Variants in ALPK2 observed in about 807,000 individuals in gnomAD.
The protein encoded by ALPK2 is alpha kinase 2.
Under a neutral mutation model 163.1 loss-of-function variants are expected in ALPK2, and 127 were observed. That is an observed-to-expected ratio of 0.78 (90% CI 0.67 to 0.90). The LOEUF (loss-of-function observed/expected upper bound fraction) is 0.90. Ranked by LOEUF, ALPK2 falls within the 40% of genes least tolerant of loss-of-function variation. The pLI, the probability that ALPK2 is intolerant of heterozygous loss-of-function variation, is 0.00. For synonymous variants in ALPK2, 953 were observed against 959.1 expected, an observed-to-expected ratio of 0.99 and a Z score of 0.12; for missense variants, 2,360 against 2,589.6, an observed-to-expected ratio of 0.91 and a Z score of 1.92.
In ALPK2 at chr18:58,529,246, C is replaced by A. The variant is rs776787196; in HGVS notation, c.5354-8G>T. 10 of 1,608,026 alleles carry A rather than the reference C, an allele frequency of 6.2e-6. No individual in the cohort carries two copies. The African/African-American group carries it at 9.4e-5, about 15-fold the overall frequency. On this transcript the variant is annotated splice_region_variant and splice_polypyrimidine_tract_variant and intron_variant, in intron 5 of 12. Coordinates refer to ENST00000361673, the MANE Select transcript of ALPK2 (RefSeq NM_052947.4). ...TTTTCAGTAATACTGGAGCTAGAAA[C>A]AAGATATTTGAAGGTCAGTGTAACA... is the stretch of plus-strand genomic sequence containing the variant.
chr18:58,585,916 T>C (rs1353168135), intron 3 of ALPK2, among the ~76,000 whole-genome samples: 1 of 152,156 alleles, frequency 6.6e-6, no homozygotes, highest in East Asian at 1.9e-4. Context: ...ACTCCTGACC[T>C]CAGGTGATCT....
Position 58,533,224 on chromosome 18 carries a change from G to A in ALPK2, c.5353+1610C>T, listed in dbSNP as rs939191866. 9.9e-5 allele frequency among the ~76,000 whole-genome samples: 15 copies of A among 152,258 alleles called. No individual in the cohort carries two copies. In the South Asian group the frequency reaches 2.5e-3, roughly 25 times the overall value. On this transcript the variant is annotated intron_variant, in intron 5 of 12. Coordinates refer to ENST00000361673, the MANE Select transcript of ALPK2 (RefSeq NM_052947.4). ...AGCTGAAATCAAAGTCTTTGACGGC[G>A]ATTGATTTCAACACTGCCTATCTGG...
At chr18:58,533,909 T>G (rs918301471) in intron 5 of ALPK2, among the ~76,000 whole-genome samples, 3 of 152,162 alleles carry the variant, frequency 2.0e-5, no homozygotes, top group African/African-American at 7.2e-5. Context: ...CCTCAAAATC[T>G]AAGGACTCAG....
At chr18:58,486,334 A>T (rs546755024) in intron 12 of ALPK2, among the ~76,000 whole-genome samples, 1 of 152,258 alleles carries the variant, frequency 6.6e-6, no homozygotes, top group South Asian at 2.1e-4. Context: ...CCCCAGCTCC[A>T]GTGGGCTCTC....
chr18:58,574,689 G>A (rs77501291), intron 4 of ALPK2, among the ~76,000 whole-genome samples: 3 of 152,066 alleles, frequency 2.0e-5, no homozygotes, highest in Non-Finnish European at 4.4e-5. Context: ...TCCCCGCCCC[G>A]TTCCGGCTGT....
chr18:58,624,962 CG>C (rs2052221910), intron 1 of ALPK2, among the ~76,000 whole-genome samples: 1 of 152,158 alleles, frequency 6.6e-6, no homozygotes, highest in Admixed American at 6.5e-5. Context: ...ATCAAGAAGG[CG>C]GGGGAGGAGA....
intron 2 of ALPK2, among the ~76,000 whole-genome samples, chr18:58,610,238 C>A (rs1473561382): frequency 7.0e-6 from 1 of 142,690 alleles, no homozygotes; most frequent in Non-Finnish European, 1.5e-5. Flanking sequence ...TGTGCCACTG[C>A]ACTCCAGCCT....
intron 4 of ALPK2, among the ~76,000 whole-genome samples, chr18:58,548,769 G>A (rs1358024899): frequency 6.6e-6 from 1 of 152,216 alleles, no homozygotes; most frequent in Non-Finnish European, 1.5e-5. Context: ...AGATCGCTGA[G>A]AGGGACAACA....
chr18:58,553,550 C>A (rs1163769249), intron 4 of ALPK2, among the ~76,000 whole-genome samples: 1 of 152,142 alleles, frequency 6.6e-6, no homozygotes, highest in Non-Finnish European at 1.5e-5. Context: ...TCCCTATAAT[C>A]CCCACGCATC....
chr18:58,555,489 T>C (rs986383187), intron 4 of ALPK2, among the ~76,000 whole-genome samples: 1 of 152,238 alleles, frequency 6.6e-6, no homozygotes, highest in Non-Finnish European at 1.5e-5. Context: ...TGTTCCAAGC[T>C]GTCCGAAGGG....
intron 4 of ALPK2, among the ~76,000 whole-genome samples, chr18:58,573,766 A>C (rs2051904185): frequency 1.3e-5 from 2 of 152,116 alleles, no homozygotes; most frequent in Admixed American, 6.6e-5. Flanking sequence ...CAAGAAAGTC[A>C]GGATTACAAA....
intron 4 of ALPK2, among the ~76,000 whole-genome samples, chr18:58,545,628 G>A (rs1297761817): frequency 2.6e-5 from 4 of 152,222 alleles, no homozygotes; most frequent in African/African-American, 9.6e-5. Flanking sequence ...CAAGCCACTC[G>A]GTCCCTAGCT....
intron 4 of ALPK2, among the ~76,000 whole-genome samples, chr18:58,577,530 A>G (rs973931991): frequency 2.6e-4 from 40 of 152,250 alleles, no homozygotes; most frequent in Non-Finnish European, 1.2e-4. Flanking sequence ...TTTATTTTGT[A>G]TTAACATATG....
intron 12 of ALPK2, among the ~76,000 whole-genome samples, chr18:58,497,372 C>A (rs1340677682): frequency 1.3e-5 from 2 of 152,158 alleles, no homozygotes; most frequent in Non-Finnish European, 2.9e-5. Context: ...TCACCAAGAA[C>A]AACAAATGGC....
At chr18:58,585,528 T>C (rs2051981156) in intron 3 of ALPK2, among the ~76,000 whole-genome samples, 1 of 152,196 alleles carries the variant, frequency 6.6e-6, no homozygotes. Context: ...GACACATCAA[T>C]GTATTGGGAA....
At chr18:58,592,132 C>T (rs572008281) in intron 3 of ALPK2, among the ~76,000 whole-genome samples, 18 of 152,294 alleles carry the variant, frequency 1.2e-4, no homozygotes, top group East Asian at 1.2e-3. Flanking sequence ...ACCTGTGGCC[C>T]CCAATGAGCA....
At chr18:58,527,155 G>A (rs941246276) in intron 6 of ALPK2, among the ~76,000 whole-genome samples, 1 of 151,214 alleles carries the variant, frequency 6.6e-6, no homozygotes, top group Non-Finnish European at 1.5e-5. Context: ...TTTGCTCCAC[G>A]TTCATATTAT....
chr18:58,613,911 C>T (rs548042783), intron 1 of ALPK2, among the ~76,000 whole-genome samples: 1 of 152,198 alleles, frequency 6.6e-6, no homozygotes, highest in African/African-American at 2.4e-5. Flanking sequence ...GAAGTTCCCA[C>T]AGCATTTCCT....
Position 58,536,396 on chromosome 18 carries a change from C to T in ALPK2, c.3791G>A (p.Gly1264Asp). The T allele has an allele frequency of 6.2e-7, 1 of 1,614,206 alleles. No individual in the cohort carries two copies. The highest frequency in any genetic ancestry group is 1.1e-5 in the South Asian group (1 of 91,078). ...LTNSESKASD[G>D]GLIIPDKVWA... is the part of the protein sequence containing the mutation. Reference sequence around the variant, plus strand: ...GACCTTGTCAGGAATTATGAGACCACCGTCTGATGCCTTGCTCTCAGAATT... The same window carrying T: ...GACCTTGTCAGGAATTATGAGACCATCGTCTGATGCCTTGCTCTCAGAATT... Residue 1264 changes from glycine to aspartate, a missense_variant, in exon 5 of 13, where the codon GGT (glycine) becomes GAT (aspartate). Coordinates refer to ENST00000361673, the MANE Select transcript of ALPK2 (RefSeq NM_052947.4).
Sources: allele counts gnomAD v4.1 joint callset (sites outside exome capture counted in the v4.1 genomes callset), GRCh38; gene constraint gnomAD v4.1.1; transcripts MANE v1.5; gene names NCBI Gene and HGNC (gene_info 2026-07-23, HGNC 2026-07-21).